The following CAST variants were observed in gnomAD, a reference collection of about 807,000 sequenced individuals.
CAST encodes calpastatin.
In CAST, 76 loss-of-function variants were observed where a neutral mutation model predicts 119.6. The observed-to-expected ratio is 0.64, with a 90% CI of 0.53 to 0.77. The LOEUF (loss-of-function observed/expected upper bound fraction) is 0.77. CAST is among the 30% of genes least tolerant of loss of function. CAST has a pLI of 0.00. For missense variants in CAST, 953 were observed against 946.5 expected (o/e 1.01, Z -0.09); for synonymous variants, 319 against 331.6 (o/e 0.96, Z 0.41).
At chr5:96,756,053 T>C (rs759242837) in intron 22 of CAST, among the ~76,000 whole-genome samples, 4 of 152,218 alleles carry the variant, frequency 2.6e-5, no homozygotes, top group Non-Finnish European at 5.9e-5. Flanking sequence ...AGTCATTTCA[T>C]CCTCCTCTGA....
the CAST span, among the ~76,000 whole-genome samples, chr5:96,085,688 G>A: frequency 6.6e-6 from 1 of 152,188 alleles, no homozygotes. Context: ...TTAACTAGAC[G>A]TGAAATGTGC....
At chr5:96,043,295 A>G in the CAST span, among the ~76,000 whole-genome samples, 15 of 152,214 alleles carry the variant, frequency 9.9e-5, no homozygotes, top group Non-Finnish European at 2.2e-4. Flanking sequence ...CGATGGTCTC[A>G]GTGTCATAAA....
the CAST span, among the ~76,000 whole-genome samples, chr5:96,319,351 A>G: frequency 6.6e-6 from 1 of 152,220 alleles, no homozygotes; most frequent in African/African-American, 2.4e-5. Flanking sequence ...TCCAAACCAT[A>G]TCAGGTAAAT....
At position 96,762,280 on chromosome 5, in the gene CAST, G is replaced by A. The variant is rs1325643246; in HGVS notation, c.1840G>A (p.Glu614Lys). The change falls in exon 25 of 32, where the codon GAA (glutamate) becomes AAA (lysine). Residue 614 changes from glutamate (E) to lysine (K), a missense_variant. Coordinates refer to ENST00000675179, the MANE Select transcript of CAST (RefSeq NM_001750.7). ...AAATTTTTTTCAATAAAAGAAATTT[G>A]AAGATGCTAAACTTGCTGCTGCCAT... ...GPQNASSLKF[E>K]DAKLAAAISE... The A allele has an allele frequency of 3.1e-5, 50 of 1,601,638 alleles. No homozygotes were observed. The highest frequency in any genetic ancestry group is 4.3e-5 in the Non-Finnish European group (50 of 1,176,300).
the CAST span, among the ~76,000 whole-genome samples, chr5:95,996,697 C>T: frequency 6.6e-6 from 1 of 152,100 alleles, no homozygotes; most frequent in Non-Finnish European, 1.5e-5. Flanking sequence ...CACCTGTAAA[C>T]CTGTTAAGAT....
At chr5:96,545,127 A>G (rs1196391324) in intron 1 of CAST, 1 of 152,150 alleles carries the variant, frequency 6.6e-6, no homozygotes, top group Non-Finnish European at 1.5e-5. Context: ...TCATCTCTCA[A>G]AGATCACTGT....
At chr5:96,259,934 C>A in the CAST span, among the ~76,000 whole-genome samples, 1 of 148,766 alleles carries the variant, frequency 6.7e-6, no homozygotes, top group East Asian at 2.0e-4. Context: ...GTCTTAATGA[C>A]TGAAAGCCCT....
the CAST span, among the ~76,000 whole-genome samples, chr5:96,504,368 C>T: frequency 1.3e-5 from 2 of 152,156 alleles, no homozygotes; most frequent in African/African-American, 4.8e-5. Flanking sequence ...CCAAAGAATT[C>T]CAAGAGGTAA....
chr5:96,323,501 C>T, the CAST span, among the ~76,000 whole-genome samples: 3 of 152,184 alleles, frequency 2.0e-5, no homozygotes, highest in African/African-American at 4.8e-5. Context: ...GAAAAATAAA[C>T]CATAGTCCCT....
At chr5:96,530,166 C>T (rs772639109) in intron 1 of CAST, among the ~76,000 whole-genome samples, 9 of 140,410 alleles carry the variant, frequency 6.4e-5, no homozygotes, top group South Asian at 2.7e-4. Flanking sequence ...GACAGACTAA[C>T]GTGGGAGGGA....
chr5:96,034,032 A>T, the CAST span, among the ~76,000 whole-genome samples: 1 of 152,172 alleles, frequency 6.6e-6, no homozygotes, highest in Non-Finnish European at 1.5e-5. Flanking sequence ...GCTACTGGGG[A>T]TGCTGAGGCA....
the CAST span, among the ~76,000 whole-genome samples, chr5:96,118,588 A>G: frequency 6.6e-6 from 1 of 151,678 alleles, no homozygotes; most frequent in South Asian, 2.1e-4. Context: ...TTCTCTGAGC[A>G]CATTCCATAA....
chr5:96,478,854 A>G, the CAST span, among the ~76,000 whole-genome samples: 1 of 152,228 alleles, frequency 6.6e-6, no homozygotes, highest in Non-Finnish European at 1.5e-5. Flanking sequence ...CTGCATATCT[A>G]TATAATTAAA....
the CAST span, among the ~76,000 whole-genome samples, chr5:96,217,461 A>G: frequency 6.6e-6 from 1 of 152,102 alleles, no homozygotes. Context: ...AGTGATGACT[A>G]TAACCATTTG....
chr5:96,030,453 G>A, the CAST span, among the ~76,000 whole-genome samples: 4 of 152,282 alleles, frequency 2.6e-5, no homozygotes, highest in South Asian at 8.3e-4. Flanking sequence ...CTTGCCTGTC[G>A]GGCAGTAGCC....
intron 1 of CAST, among the ~76,000 whole-genome samples, chr5:96,554,767 G>C (rs1262341032): frequency 1.3e-5 from 2 of 152,172 alleles, no homozygotes; most frequent in Non-Finnish European, 2.9e-5. Context: ...CTTCTCAAAA[G>C]AAGACATTTA....
the CAST span, among the ~76,000 whole-genome samples, chr5:96,349,052 T>C: frequency 6.6e-6 from 1 of 151,194 alleles, no homozygotes; most frequent in African/African-American, 2.4e-5. Context: ...GGAGAAAACA[T>C]AGAACATTAC....
the CAST span, among the ~76,000 whole-genome samples, chr5:96,493,142 T>C: frequency 1.1e-4 from 17 of 152,250 alleles, no homozygotes; most frequent in Admixed American, 7.8e-4. Context: ...GATTTATTTT[T>C]TTAAACCATG....
chr5:96,005,563 C>T, the CAST span, among the ~76,000 whole-genome samples: 3 of 152,072 alleles, frequency 2.0e-5, no homozygotes, highest in Non-Finnish European at 4.4e-5. Context: ...GGGAAAAATG[C>T]AGCAAAGACT....
Sources: allele counts gnomAD v4.1 joint callset (sites outside exome capture counted in the v4.1 genomes callset), GRCh38; gene constraint gnomAD v4.1.1; transcripts MANE v1.5; gene names NCBI Gene and HGNC (gene_info 2026-07-23, HGNC 2026-07-21).